Variants in TMEM260 observed in about 807,000 individuals in gnomAD.
TMEM260 encodes transmembrane protein 260.
A neutral mutation model predicts 88.9 loss-of-function variants in TMEM260; 82 were observed. That is an observed-to-expected ratio of 0.92 (90% CI 0.77 to 1.11). The LOEUF is 1.11. Among genes scored for constraint, TMEM260 ranks in the 50% least tolerant of loss-of-function variants. The pLI is 0.00. For missense variants in TMEM260, 902 were observed against 853.4 expected (o/e 1.06, Z -0.71); for synonymous variants, 314 against 309.3 (o/e 1.02, Z -0.16).
chr14:56,659,879 T>A, the TMEM260 span, among the ~76,000 whole-genome samples: 1 of 152,202 alleles, frequency 6.6e-6, no homozygotes, highest in Non-Finnish European at 1.5e-5. Context: ...AGCATGAAAT[T>A]ATTCCTGCCA....
At chr14:56,622,622 C>G (rs1269700760) in intron 11 of TMEM260, among the ~76,000 whole-genome samples, 2 of 151,416 alleles carry the variant, frequency 1.3e-5, no homozygotes, top group Non-Finnish European at 2.9e-5. Flanking sequence ...CATTGAAGAA[C>G]TATTTAAACT....
rs769912726 is a variant in TMEM260, at chr14:56,621,507, A to G, written c.1227-24A>G. 5 of 1,569,666 alleles carry G rather than the reference A, an allele frequency of 3.2e-6. No homozygotes were observed. The South Asian group carries it at 6.0e-5, about 19-fold the overall frequency. On this transcript the variant is annotated intron_variant, in intron 10 of 15. Transcript: ENST00000261556. ...ACTGTAGCAAAGTGTTGCTATTTTA[A>G]TTTTTTTGGATCCTTTTATTTAGTG...
the TMEM260 span, among the ~76,000 whole-genome samples, chr14:56,656,347 A>G: frequency 6.6e-6 from 1 of 152,026 alleles, no homozygotes; most frequent in South Asian, 2.1e-4. Flanking sequence ...TGAACCCGGG[A>G]GGTTGAGGCT....
At chr14:56,625,056 CAGT>C (rs1888160481) in intron 11 of TMEM260, among the ~76,000 whole-genome samples, 1 of 152,168 alleles carries the variant, frequency 6.6e-6, no homozygotes, top group Non-Finnish European at 1.5e-5. Context: ...CAGAGCACAG[CAGT>C]AATGCTGGCC....
chr14:56,583,665 G>A (rs949005848), intron 1 of TMEM260, among the ~76,000 whole-genome samples: 6 of 152,126 alleles, frequency 3.9e-5, no homozygotes, highest in Non-Finnish European at 7.4e-5. Flanking sequence ...ATTCTGATGG[G>A]GAGGCTGGGG....
At chr14:56,600,438 A>G (rs2139542334) in intron 3 of TMEM260, among the ~76,000 whole-genome samples, 1 of 152,330 alleles carries the variant, frequency 6.6e-6, no homozygotes, top group African/African-American at 2.4e-5. Context: ...AGCCGAAAAG[A>G]AACATAGTAA....
chr14:56,662,952 A>G, the TMEM260 span, among the ~76,000 whole-genome samples: 1 of 151,964 alleles, frequency 6.6e-6, no homozygotes, highest in Admixed American at 6.6e-5. Context: ...AGATGGAGAA[A>G]CCCCCGTCTC....
In TMEM260 at chr14:56,581,957, G is replaced by C. The variant is rs186667609; in HGVS notation, c.160+1883G>C. 1.8e-3 allele frequency among the ~76,000 whole-genome samples: 279 copies of C among 152,208 alleles called. 1 individual carries two copies. Among genetic ancestry groups the C allele is most frequent in the East Asian group, 8.3e-3 (43 of 5,182 alleles). ...TACTGTATTTTATTTTTTCCTAAAA[G>C]AATAAAGTTGTGTATTCACCTTGAG... On this transcript the variant is annotated intron_variant, in intron 1 of 15. Transcript: ENST00000261556.
chr14:56,593,583 G>A (rs1886001736), intron 3 of TMEM260, among the ~76,000 whole-genome samples: 1 of 149,652 alleles, frequency 6.7e-6, no homozygotes, highest in Non-Finnish European at 1.5e-5. Context: ...CTATATCAGT[G>A]CTTTCCTCCG....
At chr14:56,635,059 T>C in intron 14 of TMEM260, 107 bp downstream of exon 14, 1 of 955,442 alleles carries the variant, frequency 1.0e-6, no homozygotes, top group South Asian at 1.4e-5. Context: ...ATAATAAAAA[T>C]AGCATTTATG....
At chr14:56,632,927 A>T in intron 12 of TMEM260, 68 bp from the exon 13 acceptor site, 1 of 1,401,208 alleles carries the variant, frequency 7.1e-7, no homozygotes, top group South Asian at 1.3e-5. Context: ...ATCTTTCATG[A>T]ATTATATTTA....
chr14:56,648,157 A>G lies in TMEM260; in HGVS notation c.*660A>G, dbSNP rs2139664753. On this transcript the variant is annotated 3_prime_UTR_variant, in exon 16 of 16. Transcript: ENST00000261556. ...GGCGAGTAAAAAAGATTTTGCATTT[A>G]CTTAATTAATTTTATATTTATGTTT... is the stretch of plus-strand genomic sequence containing the variant. 6.6e-6 allele frequency: 1 copy of G among 151,846 alleles called. No individual in the cohort carries two copies. The highest frequency in any genetic ancestry group is 3.4e-3 in the Middle Eastern group (1 of 294). 9.4% of individuals were successfully genotyped at this position (151,846 alleles called of 1,614,324 possible). A position where few individuals can be genotyped will look rare whatever the true frequency, so the allele number is the denominator to read the frequency against.
intron 12 of TMEM260, among the ~76,000 whole-genome samples, chr14:56,631,591 C>A (rs1455949294): frequency 6.7e-6 from 1 of 150,316 alleles, no homozygotes; most frequent in Non-Finnish European, 1.5e-5. Flanking sequence ...CCACTGCACT[C>A]CATCCTGGGC....
Position 56,579,826 on chromosome 14 carries a change from A to C in TMEM260, c.-89A>C. The C allele has an allele frequency of 8.5e-7, 1 of 1,183,008 alleles. No homozygotes were observed. Among genetic ancestry groups the C allele is most frequent in the South Asian group, 4.3e-5 (1 of 23,176 alleles). 73.3% of individuals were successfully genotyped at this position (1,183,008 alleles called of 1,614,324 possible). On this transcript the variant is annotated 5_prime_UTR_variant, in exon 1 of 16. Coordinates refer to ENST00000261556, the MANE Select transcript of TMEM260 (RefSeq NM_017799.4). ...CCGGAAGCCGCCGTGGCCGCCGCACAAGCTGCGCTCGTCTCTCGGCTGGGG... is the reference window on the plus strand; with the variant it reads ...CCGGAAGCCGCCGTGGCCGCCGCACCAGCTGCGCTCGTCTCTCGGCTGGGG...
intron 12 of TMEM260, among the ~76,000 whole-genome samples, chr14:56,628,998 C>T (rs193140313): frequency 1.1e-4 from 17 of 151,778 alleles, no homozygotes; most frequent in Middle Eastern, 3.4e-3. Flanking sequence ...CAGGTTATAG[C>T]GATTCTCCTG....
intron 3 of TMEM260, among the ~76,000 whole-genome samples, chr14:56,594,200 A>AT (rs1323508451): frequency 3.3e-5 from 5 of 152,138 alleles, no homozygotes; most frequent in South Asian, 4.1e-4. Flanking sequence ...AATGGAAAAC[A>AT]TTTTTTTCTC....
intron 15 of TMEM260, among the ~76,000 whole-genome samples, chr14:56,646,932 A>T (rs61995030): frequency 0.023 from 3,489 of 152,132 alleles, 61 homozygotes; most frequent in Middle Eastern, 0.034. Context: ...TCCATGAATT[A>T]AAACTAAATC....
rs558339852 is a variant in TMEM260 at position 56,625,079 on chromosome 14, C to T, written c.1399-303C>T. Reference sequence around the variant, plus strand: ...AGCAGTAATGCTGGCCCCTGCTGTGCGGCCCAGTATGGGGACCCCTGCTCT... The same window carrying T: ...AGCAGTAATGCTGGCCCCTGCTGTGTGGCCCAGTATGGGGACCCCTGCTCT... On this transcript the variant is annotated intron_variant, in intron 11 of 15. Coordinates refer to ENST00000261556, the MANE Select transcript of TMEM260 (RefSeq NM_017799.4). 3.3e-5 allele frequency among the ~76,000 whole-genome samples: 5 copies of T among 152,262 alleles called. No individual in the cohort carries two copies. The South Asian group carries it at 6.2e-4, about 19-fold the overall frequency.
chr14:56,649,632 G>C (rs1479137890), downstream of TMEM260: 1 of 154,282 alleles, frequency 6.5e-6, no homozygotes, highest in Non-Finnish European at 1.4e-5. Flanking sequence ...ATACGCATGT[G>C]GTGTTTGAGG....
Sources: gnomAD v4.1 joint callset for allele counts (sites outside exome capture counted in the v4.1 genomes callset) on GRCh38, gnomAD v4.1.1 for gene constraint, MANE v1.5 for transcripts, NCBI Gene and HGNC (gene_info 2026-07-23, HGNC 2026-07-21) for gene names.